Variants in ETV6 observed in about 807,000 individuals in gnomAD.
ETV6 encodes the protein transcription factor ETV6.
In ETV6, 16 loss-of-function variants were observed where a neutral mutation model predicts 51.1. That is an observed-to-expected ratio of 0.31 (90% CI 0.21 to 0.48). The LOEUF (loss-of-function observed/expected upper bound fraction) is 0.48. Among genes scored for constraint, ETV6 ranks in the 20% least tolerant of loss-of-function variants. The pLI, the probability that ETV6 is intolerant of heterozygous loss-of-function variation, is 0.99. For synonymous variants in ETV6, 240 were observed against 224.1 expected (o/e 1.07, Z -0.64); for missense variants, 458 against 594.8 (o/e 0.77, Z 2.39).
At chr12:11,795,745 G>C (rs1181595310) in intron 2 of ETV6, among the ~76,000 whole-genome samples, 1 of 152,226 alleles carries the variant, frequency 6.6e-6, no homozygotes, top group Non-Finnish European at 1.5e-5. Flanking sequence ...TAACATTCCA[G>C]TTCCGGCTCT....
intron 1 of ETV6, among the ~76,000 whole-genome samples, chr12:11,732,596 C>T (rs1865621523): frequency 6.6e-6 from 1 of 152,132 alleles, no homozygotes; most frequent in African/African-American, 2.4e-5. Context: ...CTTTTTCTGC[C>T]ATCGTGCACT....
At position 11,867,960 on chromosome 12, in the gene ETV6, G is replaced by C. The variant is rs139395247; in HGVS notation, c.464-1464G>C. Reference sequence around the variant, plus strand: ...GTGTGCCGGTCCATTCCCCGACCCAGCCCTCAGAGCTACTTCTCTTGCTGA... The same window carrying C: ...GTGTGCCGGTCCATTCCCCGACCCACCCCTCAGAGCTACTTCTCTTGCTGA... On this transcript the variant is annotated intron_variant, in intron 4 of 7. Coordinates refer to ENST00000396373, the MANE Select transcript of ETV6 (RefSeq NM_001987.5). 2.0e-5 allele frequency among the ~76,000 whole-genome samples: 3 copies of C among 152,250 alleles called. No individual in the cohort carries two copies. In the East Asian group the frequency reaches 5.8e-4, roughly 29 times the overall value.
intron 2 of ETV6, among the ~76,000 whole-genome samples, chr12:11,781,121 T>C (rs1413981847): frequency 1.3e-5 from 2 of 152,266 alleles, no homozygotes; most frequent in African/African-American, 4.8e-5. Flanking sequence ...TGGTTTAATA[T>C]GTACAATGTC....
rs1364790315 is a variant in ETV6 at position 11,672,181 on chromosome 12, CAGG to C, written c.33+22025_33+22027del. On this transcript the variant is annotated intron_variant, in intron 1 of 7. Transcript: ENST00000396373. ...TGTTCCTTCTGTCGCAAAATATAAT[CAGG>C]AGGTTTCTATTTGACAATGTACTCT... 3.3e-5 allele frequency among the ~76,000 whole-genome samples: 5 copies of C among 152,188 alleles called. No individual in the cohort carries two copies. The East Asian group carries it at 9.7e-4, about 29-fold the overall frequency.
At chr12:11,867,641 T>C (rs1165547702) in intron 4 of ETV6, among the ~76,000 whole-genome samples, 2 of 152,256 alleles carry the variant, frequency 1.3e-5, no homozygotes, top group Non-Finnish European at 2.9e-5. Context: ...ACTATGTCTG[T>C]CTCTGTTTAC....
intron 2 of ETV6, among the ~76,000 whole-genome samples, chr12:11,820,057 C>T (rs73275277): frequency 0.01 from 1,567 of 152,328 alleles, 39 homozygotes; most frequent in African/African-American, 0.035. Context: ...TTCTAAGGTC[C>T]TTACACATAT....
chr12:11,734,009 C>T (rs1012067369), intron 1 of ETV6, among the ~76,000 whole-genome samples: 2 of 152,208 alleles, frequency 1.3e-5, no homozygotes, highest in Admixed American at 1.3e-4. Context: ...ATTATTCCTC[C>T]TCAAGTATCT....
chr12:11,746,290 G>A (rs995347363), intron 1 of ETV6, among the ~76,000 whole-genome samples: 1 of 152,218 alleles, frequency 6.6e-6, no homozygotes, highest in African/African-American at 2.4e-5. Flanking sequence ...AGTAAAGTTA[G>A]ATCAGTCTGC....
Position 11,858,325 on chromosome 12 carries a change from C to T in ETV6, c.463+4764C>T, listed in dbSNP as rs150992302. Among the ~76,000 whole-genome samples, 717 of 151,972 alleles carry T rather than the reference C, an allele frequency of 4.7e-3. 11 individuals are homozygous for T. Among genetic ancestry groups the T allele is most frequent in the African/African-American group, 0.017 (685 of 41,478 alleles). On this transcript the variant is annotated intron_variant, in intron 4 of 7. Coordinates refer to ENST00000396373, the MANE Select transcript of ETV6 (RefSeq NM_001987.5). ...ACTATAAAATAAATTTATTTTGTCACGTGCAGTTGTGATGATAACTTCTTT... is the reference window on the plus strand; with the variant it reads ...ACTATAAAATAAATTTATTTTGTCATGTGCAGTTGTGATGATAACTTCTTT...
intron 1 of ETV6, among the ~76,000 whole-genome samples, chr12:11,666,123 G>T (rs1326337348): frequency 6.6e-6 from 1 of 152,166 alleles, no homozygotes; most frequent in African/African-American, 2.4e-5. Flanking sequence ...ACCGTATGGG[G>T]CTGCCAGTTG....
At chr12:11,665,736 C>T (rs1864182013) in intron 1 of ETV6, among the ~76,000 whole-genome samples, 1 of 152,164 alleles carries the variant, frequency 6.6e-6, no homozygotes, top group Non-Finnish European at 1.5e-5. Context: ...AAGGTAGAGA[C>T]CTGTGTTTTG....
chr12:11,820,767 A>T (rs1946067278), intron 2 of ETV6, among the ~76,000 whole-genome samples: 1 of 152,176 alleles, frequency 6.6e-6, no homozygotes, highest in Admixed American at 6.5e-5. Flanking sequence ...CCTTGGCATG[A>T]ACTGTGAGTG....
intron 1 of ETV6, among the ~76,000 whole-genome samples, chr12:11,655,539 A>C (rs1863985061): frequency 6.6e-6 from 1 of 152,236 alleles, no homozygotes; most frequent in African/African-American, 2.4e-5. Context: ...CAAACTAATA[A>C]AGTGTTGCTT....
In ETV6 at chr12:11,869,851, G is replaced by A. The variant is rs1464686943; in HGVS notation, c.891G>A (p.Leu297=). 5.0e-6 allele frequency: 8 copies of A among 1,613,266 alleles called. No individual in the cohort carries two copies. The highest frequency in any genetic ancestry group is 6.8e-6 in the Non-Finnish European group (8 of 1,180,040). The change falls in exon 5 of 8, where the codon CTG becomes CTA. Residue 297 remains leucine (L), a synonymous_variant. Transcript: ENST00000396373. This position sits in a 1 kb window ranked among gnomAD's most constrained non-coding sequence, Gnocchi z 5.0. ...AGTCCAGGCTCTCCGAGGACGGGCT[G>A]CATAGGGAAGGGAAGCCCATCAACC... ...FKQSRLSEDG[L]HREGKPINLS...
chr12:11,680,698 C>T (rs1464722286), intron 1 of ETV6, among the ~76,000 whole-genome samples: 1 of 152,156 alleles, frequency 6.6e-6, no homozygotes. Context: ...GAGCATTTTC[C>T]CCAGGCGTTG....
intron 1 of ETV6, among the ~76,000 whole-genome samples, chr12:11,725,826 G>T (rs983830003): frequency 1.3e-5 from 2 of 152,126 alleles, no homozygotes; most frequent in Admixed American, 6.5e-5. Flanking sequence ...CTCTGCACAC[G>T]CCGGCTCGCC....
chr12:11,724,001 A>G (rs1865441599), intron 1 of ETV6, among the ~76,000 whole-genome samples: 1 of 151,550 alleles, frequency 6.6e-6, no homozygotes, highest in Admixed American at 6.6e-5. Flanking sequence ...ATGTTCTCTG[A>G]CCCGTGCAGT....
rs190230752 is a variant in ETV6, at chr12:11,861,422, A to G, written c.463+7861A>G. On this transcript the variant is annotated intron_variant, in intron 4 of 7. Transcript: ENST00000396373. ...TTCTGACCCTTGCCCCTGCTGCAGC[A>G]TGTGTTTTGTGACGGAGTGTAGGGA... Among the ~76,000 whole-genome samples, 6 of 152,082 alleles carry G rather than the reference A, an allele frequency of 3.9e-5. No homozygotes were observed. In the East Asian group the frequency reaches 1.2e-3, roughly 29 times the overall value.
chr12:11,681,663 T>C (rs751040619), intron 1 of ETV6, among the ~76,000 whole-genome samples: 2 of 152,152 alleles, frequency 1.3e-5, no homozygotes, highest in Non-Finnish European at 2.9e-5. Context: ...CATGGTAGTT[T>C]GCTGCACCCA....
Sources: gnomAD v4.1 joint callset for allele counts (sites outside exome capture counted in the v4.1 genomes callset) on GRCh38, gnomAD v4.1.1 for gene constraint, Gnocchi (gnomAD v3.1) non-coding constraint, MANE v1.5 for transcripts, NCBI Gene and HGNC (gene_info 2026-07-23, HGNC 2026-07-21) for gene names.